The following PMPCA variants were observed in gnomAD, a reference collection of about 807,000 sequenced individuals.
PMPCA encodes the protein peptidase, mitochondrial processing subunit alpha.
PMPCA carries 47 observed loss-of-function variants against 59.3 expected under a neutral mutation model. The ratio of observed to expected loss-of-function variants is 0.79; its 90% CI spans 0.63 to 1.01. The LOEUF is 1.01. Among genes scored for constraint, PMPCA ranks in the 50% least tolerant of loss-of-function variants. The pLI, the probability that PMPCA is intolerant of heterozygous loss-of-function variation, is 0.00. For missense variants in PMPCA, 726 were observed against 704.5 expected (o/e 1.03, Z -0.34); for synonymous variants, 338 against 290.3 (o/e 1.16, Z -1.67).
Position 136,423,588 on chromosome 9 carries a change from G to A in PMPCA, c.*324G>A. On this transcript the variant is annotated 3_prime_UTR_variant, in exon 13 of 13. Coordinates refer to ENST00000371717, the MANE Select transcript of PMPCA (RefSeq NM_015160.3). ...CCCGCAGGTTCCTTGGAGGAGCCCT[G>A]AGCTGGGAGGCAGCAAAGGCTGACC... The A allele has an allele frequency of 3.3e-6, 1 of 307,480 alleles. No individual in the cohort carries two copies. Among genetic ancestry groups the A allele is most frequent in the Non-Finnish European group, 6.2e-6 (1 of 160,156 alleles). 19.0% of individuals were successfully genotyped at this position (307,480 alleles called of 1,614,324 possible).
At position 136,412,885 on chromosome 9, in the gene PMPCA, A is replaced by G. The variant is rs1264999669; in HGVS notation, c.430A>G (p.Thr144Ala). The change falls in exon 4 of 13, where the codon ACA (threonine) becomes GCA (alanine). Residue 144 changes from threonine to alanine, a missense_variant. By Grantham distance (58) the Thr-to-Ala change is moderately conservative. Transcript: ENST00000371717. Reference sequence around the variant, plus strand: ...GCATGGGGGTATCTGTGACTGCCAGACATCAAGGTACACCAGCTTTTGTGT... The same window carrying G: ...GCATGGGGGTATCTGTGACTGCCAGGCATCAAGGTACACCAGCTTTTGTGT... ...EKHGGICDCQ[T>A]SRDTTMYAVS... The G allele has an allele frequency of 1.3e-6, 2 of 1,578,176 alleles. No individual in the cohort carries two copies. The highest frequency in any genetic ancestry group is 1.7e-6 in the Non-Finnish European group (2 of 1,148,186).
intron 11 of PMPCA, 60 bp from the exon 12 acceptor site, chr9:136,421,772 T>G (rs1835457506): frequency 6.8e-7 from 1 of 1,465,580 alleles, no homozygotes; most frequent in East Asian, 2.3e-5. Context: ...ATTGCTCGAG[T>G]GGGGGGTGGA....
At chr9:136,414,106 G>GT (rs1835207583) in intron 4 of PMPCA, among the ~76,000 whole-genome samples, 1 of 152,232 alleles carries the variant, frequency 6.6e-6, no homozygotes, top group Non-Finnish European at 1.5e-5. Flanking sequence ...GGCCGGGCAT[G>GT]TTTCCACACT....
At position 136,423,427 on chromosome 9, in the gene PMPCA, T is replaced by C; in HGVS notation, c.*163T>C. 1 of 697,148 alleles carries C rather than the reference T, an allele frequency of 1.4e-6. No homozygotes were observed. The highest frequency in any genetic ancestry group is 1.8e-5 in the African/African-American group (1 of 55,990). 43.2% of individuals were successfully genotyped at this position (697,148 alleles called of 1,614,324 possible). A position where few individuals can be genotyped will look rare whatever the true frequency, so the allele number is the denominator to read the frequency against. On this transcript the variant is annotated 3_prime_UTR_variant, in exon 13 of 13. Transcript: ENST00000371717. The stretch of plus-strand genomic sequence containing the variant: ...CGGTTTGCATTCTTTTGGAACTCAA[T>C]GTGCCGATCAGTGGAGTCAGTATCG...
At chr9:136,417,250 G>C (rs754383748) in intron 7 of PMPCA, 36 bp downstream of exon 7, 3 of 1,526,558 alleles carry the variant, frequency 2.0e-6, no homozygotes, top group East Asian at 2.3e-5. Context: ...CCTCGGGTGG[G>C]GAACACGTCC....
chr9:136,416,135 A>T (rs980410081), intron 5 of PMPCA, 156 bp from the exon 6 acceptor site: 1 of 625,168 alleles, frequency 1.6e-6, no homozygotes, highest in South Asian at 1.9e-5. Context: ...CCCCTCACTC[A>T]CACAAGCACC....
At chr9:136,414,669 G>C (rs533227179) in intron 5 of PMPCA, 22 bp downstream of exon 5, 1 of 1,504,516 alleles carries the variant, frequency 6.6e-7, no homozygotes, top group Non-Finnish European at 9.3e-7. Context: ...AGCCGCTGGC[G>C]TTTGAGGTGG....
At chr9:136,422,288 G>C in intron 12 of PMPCA, 1 of 1,281,076 alleles carries the variant, frequency 7.8e-7, no homozygotes, top group Non-Finnish European at 1.0e-6. Flanking sequence ...AGGCGAGAAG[G>C]GCTCAGTAGA....
intron 4 of PMPCA, among the ~76,000 whole-genome samples, chr9:136,413,750 C>A (rs1299486723): frequency 6.6e-6 from 1 of 152,142 alleles, no homozygotes; most frequent in African/African-American, 2.4e-5. Flanking sequence ...GACCCAGCCC[C>A]CCTCGCCCTC....
At chr9:136,415,320 C>T (rs991458545) in intron 5 of PMPCA, among the ~76,000 whole-genome samples, 4 of 152,230 alleles carry the variant, frequency 2.6e-5, no homozygotes, top group African/African-American at 4.8e-5. Context: ...ACATCTGTGC[C>T]CTCATCCCTG....
intron 3 of PMPCA, 111 bp downstream of exon 3, chr9:136,412,680 A>C: frequency 1.3e-6 from 1 of 789,588 alleles, no homozygotes; most frequent in Non-Finnish European, 2.2e-6. Flanking sequence ...AGTTAATGTT[A>C]ATAAAAGACT....
At chr9:136,410,773 G>C in intron 1 of PMPCA, 34 bp downstream of exon 1, 3 of 1,376,038 alleles carry the variant, frequency 2.2e-6, no homozygotes, top group Non-Finnish European at 2.8e-6. Flanking sequence ...TCGGCCTGGG[G>C]CGGGGGCGGC....
chr9:136,422,694 T>G (rs1156517801), intron 12 of PMPCA: 3 of 1,045,318 alleles, frequency 2.9e-6, no homozygotes, highest in Non-Finnish European at 2.3e-6. Context: ...ACCCTATCAC[T>G]CCTGTCCTGG....
intron 11 of PMPCA, 33 bp from the exon 12 acceptor site, chr9:136,421,799 G>T (rs772978469): frequency 3.2e-6 from 5 of 1,555,430 alleles, no homozygotes; most frequent in Non-Finnish European, 4.4e-6. Context: ...CACGGGGCGG[G>T]TGTGTGCTCA....
chr9:136,413,363 C>T (rs994334104), intron 4 of PMPCA, among the ~76,000 whole-genome samples: 16 of 152,040 alleles, frequency 1.1e-4, no homozygotes, highest in Admixed American at 5.9e-4. Context: ...AGGGAGGTGC[C>T]GGCTGCTTGG....
At position 136,421,853 on chromosome 9, in the gene PMPCA, A is replaced by G; in HGVS notation, c.1285A>G (p.Thr429Ala). 6.3e-7 allele frequency: 1 copy of G among 1,599,334 alleles called. No homozygotes were observed. Among genetic ancestry groups the G allele is most frequent in the South Asian group, 1.1e-5 (1 of 90,162 alleles). The stretch of plus-strand genomic sequence containing the variant: ...CCAGGTGGAGCTGGAACGAGCCAAG[A>G]CGCAGCTGACATCAATGCTCATGAT... ...VDTVELERAK[T>A]QLTSMLMMNL... Residue 429 changes from threonine to alanine, a missense_variant, in exon 12 of 13, where the codon ACG becomes GCG. Coordinates refer to ENST00000371717, the MANE Select transcript of PMPCA (RefSeq NM_015160.3).
Position 136,412,574 on chromosome 9 carries a change from G to T in PMPCA, c.354+5G>T. 1 of 1,508,822 alleles carries T rather than the reference G, an allele frequency of 6.6e-7. No homozygotes were observed. Among genetic ancestry groups the T allele is most frequent in the Non-Finnish European group, 9.2e-7 (1 of 1,089,028 alleles). 93.5% of individuals were successfully genotyped at this position (1,508,822 alleles called of 1,614,324 possible). A position where few individuals can be genotyped will look rare whatever the true frequency, so the allele number is the denominator to read the frequency against. On this transcript the variant is annotated splice_donor_5th_base_variant and intron_variant, in intron 3 of 12. Transcript: ENST00000371717. The stretch of plus-strand genomic sequence containing the variant: ...TTGGAAAAATTGGCATTTTCGGTCA[G>T]TACCCAGTTTTGTAATTTTTTAGAC...
At chr9:136,414,119 C>A (rs1346110107) in intron 4 of PMPCA, among the ~76,000 whole-genome samples, 2 of 152,224 alleles carry the variant, frequency 1.3e-5, no homozygotes, top group East Asian at 1.9e-4. Flanking sequence ...TCCACACTCA[C>A]CAGTGGGTTC....
At chr9:136,421,411 T>TG (rs758038842) in intron 11 of PMPCA, among the ~76,000 whole-genome samples, 29 of 72,882 alleles carry the variant, frequency 4.0e-4, no homozygotes, top group Admixed American at 9.9e-4. Context: ...CCCGTTTTTT[T>TG]TTTTTTTTTT....
Sources: allele counts gnomAD v4.1 joint callset (sites outside exome capture counted in the v4.1 genomes callset), GRCh38; gene constraint gnomAD v4.1.1; transcripts MANE v1.5; gene names NCBI Gene and HGNC (gene_info 2026-07-23, HGNC 2026-07-21).